FBXO11: variants seen among roughly 807,000 people sequenced by gnomAD.
The protein encoded by FBXO11 is F-box protein 11.
Under a neutral mutation model 117.0 loss-of-function variants are expected in FBXO11, and 13 were observed. The ratio of observed to expected loss-of-function variants is 0.11; its 90% CI spans 0.07 to 0.18. FBXO11 has a LOEUF of 0.18. Ranked by LOEUF, FBXO11 falls within the 10% of genes least tolerant of loss-of-function variation. FBXO11 has a pLI of 1.00. For synonymous variants in FBXO11, 490 were observed against 380.5 expected, an observed-to-expected ratio of 1.29 and a Z score of -3.35; for missense variants, 767 against 1,164.4, an observed-to-expected ratio of 0.66 and a Z score of 4.97.
intron 1 of FBXO11, among the ~76,000 whole-genome samples, chr2:47,876,239 T>C (rs1263612877): frequency 6.6e-6 from 1 of 152,256 alleles, no homozygotes; most frequent in African/African-American, 2.4e-5. Flanking sequence ...CATTCCTGAC[T>C]CAACTCTATT....
intron 1 of FBXO11, among the ~76,000 whole-genome samples, chr2:47,887,332 A>ATT (rs779106767): frequency 6.9e-6 from 1 of 144,100 alleles, no homozygotes. Flanking sequence ...CCTATCTCGA[A>ATT]TTTTTTTTTT....
chr2:47,841,829 C>T (rs532225250), intron 1 of FBXO11, among the ~76,000 whole-genome samples: 7 of 151,692 alleles, frequency 4.6e-5, no homozygotes, highest in South Asian at 2.1e-4. Flanking sequence ...TTGGTAGAGA[C>T]GGGGTTTCAC....
intron 1 of FBXO11, among the ~76,000 whole-genome samples, chr2:47,842,141 G>C (rs531612600): frequency 6.6e-6 from 1 of 151,108 alleles, no homozygotes; most frequent in African/African-American, 2.4e-5. Flanking sequence ...TCAGCCTCCC[G>C]AGTAGCTGGG....
rs188455824 is a variant in FBXO11, at chr2:47,867,126, T to C, written c.233-27357A>G. ...TTGCTTTAATTACTTAATTTCATTATTCTCTCCTCTCTTTATTGGTACAGT... is the reference window on the plus strand; with the variant it reads ...TTGCTTTAATTACTTAATTTCATTACTCTCTCCTCTCTTTATTGGTACAGT... On this transcript the variant is annotated intron_variant, in intron 1 of 22. Coordinates refer to ENST00000403359, the MANE Select transcript of FBXO11 (RefSeq NM_001190274.2). Among the ~76,000 whole-genome samples, 19 of 152,328 alleles carry C rather than the reference T, an allele frequency of 1.2e-4. No individual in the cohort carries two copies. The East Asian group carries it at 3.7e-3, about 29-fold the overall frequency.
intron 11 of FBXO11, among the ~76,000 whole-genome samples, chr2:47,825,550 G>A (rs1010770951): frequency 6.7e-6 from 1 of 149,340 alleles, no homozygotes; most frequent in Non-Finnish European, 1.5e-5. Flanking sequence ...TGACATGTCT[G>A]GTGGATTTTT....
At chr2:47,837,811 G>A (rs1672704306) in intron 4 of FBXO11, among the ~76,000 whole-genome samples, 1 of 152,082 alleles carries the variant, frequency 6.6e-6, no homozygotes, top group Non-Finnish European at 1.5e-5. Context: ...GCTTTCTGCA[G>A]CCTTGACTTC....
chr2:47,878,662 T>C lies in FBXO11; in HGVS notation c.232+26827A>G, dbSNP rs1310844690. ...CAGGTGTGAGCCACTGCGTCCAGCA[T>C]TTTTTTTTTTTTTTTAAAGGAATGA... is the stretch of plus-strand genomic sequence containing the variant. On this transcript the variant is annotated intron_variant, in intron 1 of 22. Coordinates refer to ENST00000403359, the MANE Select transcript of FBXO11 (RefSeq NM_001190274.2). Among the ~76,000 whole-genome samples, 5 of 101,704 alleles carry C rather than the reference T, an allele frequency of 4.9e-5. No homozygotes were observed. In the South Asian group the frequency reaches 1.3e-3, roughly 27 times the overall value. 66.7% of individuals were successfully genotyped at this position (101,704 alleles called of 152,430 possible).
At chr2:47,900,680 G>GTATACACACACGTATACACACACGTGTA (rs1678113494) in intron 1 of FBXO11, among the ~76,000 whole-genome samples, 1 of 41,046 alleles carries the variant, frequency 2.4e-5, no homozygotes, top group African/African-American at 1.7e-4. Context: ...ATATACACAC[G>GTATACACACACGTATACACACACGTGTA]TATACACACA....
intron 1 of FBXO11, among the ~76,000 whole-genome samples, chr2:47,865,334 A>C (rs932903863): frequency 1.3e-5 from 2 of 152,198 alleles, no homozygotes; most frequent in African/African-American, 2.4e-5. Flanking sequence ...AATGGGCTAC[A>C]TGGCCAATGG....
intron 1 of FBXO11, among the ~76,000 whole-genome samples, chr2:47,865,105 G>A (rs1675095144): frequency 6.6e-6 from 1 of 152,186 alleles, no homozygotes; most frequent in Non-Finnish European, 1.5e-5. Context: ...GAACCACAGT[G>A]TCTGGCAGGT....
chr2:47,864,811 G>C (rs1178665759), intron 1 of FBXO11, among the ~76,000 whole-genome samples: 1 of 152,132 alleles, frequency 6.6e-6, no homozygotes, highest in Non-Finnish European at 1.5e-5. Flanking sequence ...AAGAAGCAAA[G>C]CCTTGAAATT....
At chr2:47,893,663 A>T (rs901390325) in intron 1 of FBXO11, among the ~76,000 whole-genome samples, 10 of 152,342 alleles carry the variant, frequency 6.6e-5, no homozygotes, top group African/African-American at 1.9e-4. Flanking sequence ...TGATAACCTA[A>T]CAAATTCAAA....
chr2:47,809,391 GAAGT>G, intron 20 of FBXO11, 125 bp from the exon 21 acceptor site: 1 of 699,688 alleles, frequency 1.4e-6, no homozygotes, highest in South Asian at 2.0e-5. Flanking sequence ...GCTAACCAAT[GAAGT>G]AATTGTAAGA....
At chr2:47,860,202 G>A (rs1257701312) in intron 1 of FBXO11, among the ~76,000 whole-genome samples, 1 of 152,016 alleles carries the variant, frequency 6.6e-6, no homozygotes, top group Non-Finnish European at 1.5e-5. Context: ...GAAACTGCTG[G>A]GCACTTTATT....
intron 1 of FBXO11, among the ~76,000 whole-genome samples, chr2:47,882,325 T>C (rs192709099): frequency 1.3e-5 from 2 of 152,302 alleles, no homozygotes; most frequent in African/African-American, 4.8e-5. Context: ...ATAAACAACT[T>C]GGAGTGGGGT....
In FBXO11 at chr2:47,894,577, C is replaced by A. The variant is rs576412406; in HGVS notation, c.232+10912G>T. Among the ~76,000 whole-genome samples the A allele has an allele frequency of 2.0e-5, 3 of 152,234 alleles. No individual in the cohort carries two copies. In the South Asian group the frequency reaches 6.2e-4, roughly 32 times the overall value. On this transcript the variant is annotated intron_variant, in intron 1 of 22. Transcript: ENST00000403359. Reference sequence around the variant, plus strand: ...AAATTCTTAAATACAAAAAAGATGTCTTCCACTCCTCAAAGCAACCCAACC... The same window carrying A: ...AAATTCTTAAATACAAAAAAGATGTATTCCACTCCTCAAAGCAACCCAACC...
chr2:47,855,369 G>C (rs1229567561), intron 1 of FBXO11, among the ~76,000 whole-genome samples: 1 of 151,948 alleles, frequency 6.6e-6, no homozygotes, highest in Non-Finnish European at 1.5e-5. Context: ...TTTTTGCAGA[G>C]ATGGGGTCTC....
Position 47,838,845 on chromosome 2 carries a change from AG to A in FBXO11, c.587+13del, listed in dbSNP as rs780084708. 2.2e-5 allele frequency: 35 copies of A among 1,605,294 alleles called. No homozygotes were observed. In the Middle Eastern group the frequency reaches 6.6e-4, roughly 30 times the overall value. ...AACATATCTCAAGTTAATAAGGAAT[AG>A]GTTTTTACTTACCACAAAATTGGAT... On this transcript the variant is annotated intron_variant, in intron 4 of 22. Transcript: ENST00000403359.
At chr2:47,865,128 A>G (rs2103781550) in intron 1 of FBXO11, among the ~76,000 whole-genome samples, 1 of 152,348 alleles carries the variant, frequency 6.6e-6, no homozygotes, top group South Asian at 2.1e-4. Flanking sequence ...TAAGTGCTCA[A>G]TAAATACCCA....
Sources: allele counts gnomAD v4.1 joint callset (sites outside exome capture counted in the v4.1 genomes callset), GRCh38; gene constraint gnomAD v4.1.1; transcripts MANE v1.5; gene names NCBI Gene and HGNC (gene_info 2026-07-23, HGNC 2026-07-21).